PCBD2: variants seen among roughly 807,000 people sequenced by gnomAD.
PCBD2 encodes the protein pterin-4-alpha-carbinolamine dehydratase 2.
Under a neutral mutation model 16.4 loss-of-function variants are expected in PCBD2, and 12 were observed. The ratio of observed to expected loss-of-function variants is 0.73; its 90% CI spans 0.47 to 1.19. The LOEUF is 1.19. PCBD2 is among the 50% of genes most tolerant of loss of function. The probability of loss-of-function intolerance (pLI) is 0.00; values close to 1 mark genes in which losing one functional copy is unlikely to be tolerated. For missense variants in PCBD2, 138 were observed against 156.8 expected, an observed-to-expected ratio of 0.88 and a Z score of 0.64; for synonymous variants, 58 against 61.8, an observed-to-expected ratio of 0.94 and a Z score of 0.29.
chr5:134,958,008 G>T (rs1037096126), intron 2 of PCBD2, among the ~76,000 whole-genome samples: 2 of 152,182 alleles, frequency 1.3e-5, no homozygotes, highest in Non-Finnish European at 2.9e-5. Context: ...AGGTCATTTG[G>T]TGATCCCAAA....
intron 2 of PCBD2, among the ~76,000 whole-genome samples, chr5:134,935,949 T>A (rs973664928): frequency 1.3e-5 from 2 of 152,226 alleles, no homozygotes; most frequent in Admixed American, 6.5e-5. Context: ...AGGGAAGTTG[T>A]AAGCTTCTTT....
intron 2 of PCBD2, among the ~76,000 whole-genome samples, chr5:134,921,223 A>C (rs1352206392): frequency 6.6e-6 from 1 of 152,202 alleles, no homozygotes; most frequent in Non-Finnish European, 1.5e-5. Context: ...TTCTGCCCAG[A>C]AGATCTCCTA....
intron 2 of PCBD2, chr5:134,927,437 T>A (rs970077506): frequency 2.5e-6 from 1 of 398,198 alleles, no homozygotes; most frequent in East Asian, 3.6e-5. Flanking sequence ...TAAAAGCTAT[T>A]GTGTACGCTA....
rs549384583 is a variant in PCBD2 at position 134,927,106 on chromosome 5, C to T, written c.216+16640C>T. Reference sequence around the variant, plus strand: ...TGGGCGACTATGAGAATGACTGCGCCGGTGAAGCTTCAGGGGGTTTGGATG... The same window carrying T: ...TGGGCGACTATGAGAATGACTGCGCTGGTGAAGCTTCAGGGGGTTTGGATG... On this transcript the variant is annotated intron_variant, in intron 2 of 3. Coordinates refer to ENST00000254908, the MANE Select transcript of PCBD2 (RefSeq NM_032151.5). 3.7e-4 allele frequency: 146 copies of T among 398,378 alleles called. No individual in the cohort carries two copies. In the East Asian group the frequency reaches 4.0e-3, roughly 11 times the overall value. 24.7% of individuals were successfully genotyped at this position (398,378 alleles called of 1,614,324 possible). A position where few individuals can be genotyped will look rare whatever the true frequency, so the allele number is the denominator to read the frequency against.
chr5:134,922,716 G>A (rs1750919582), intron 2 of PCBD2, among the ~76,000 whole-genome samples: 1 of 150,652 alleles, frequency 6.6e-6, no homozygotes, highest in South Asian at 2.1e-4. Context: ...AGGCTGGAGT[G>A]CAGTGGCGTG....
In PCBD2 at chr5:134,925,596, T is replaced by C. The variant is rs1265734645; in HGVS notation, c.216+15130T>C. 8 of 397,852 alleles carry C rather than the reference T, an allele frequency of 2.0e-5. 1 individual carries two copies. The Admixed American group carries it at 3.5e-4, about 18-fold the overall frequency. 24.6% of individuals were successfully genotyped at this position (397,852 alleles called of 1,614,324 possible). ...CATTTTGTGTAAGGGCGCAGACTGC[T>C]GCGAACAGAGTGGTGATAGCGCCTA... On this transcript the variant is annotated intron_variant, in intron 2 of 3. Transcript: ENST00000254908.
In PCBD2 at chr5:134,919,776, G is replaced by A. The variant is rs1750880281; in HGVS notation, c.216+9310G>A. 1.3e-5 allele frequency among the ~76,000 whole-genome samples: 2 copies of A among 152,164 alleles called. 1 individual carries two copies. The highest frequency in any genetic ancestry group is 4.1e-4 in the South Asian group (2 of 4,828). ...TAAATAATAACTTAAAAGTATTTTG[G>A]TCTTGCTCATTTCTGTTCTGTTTCT... On this transcript the variant is annotated intron_variant, in intron 2 of 3. Transcript: ENST00000254908.
chr5:134,937,809 A>G (rs1172675403), intron 2 of PCBD2, among the ~76,000 whole-genome samples: 1 of 152,254 alleles, frequency 6.6e-6, no homozygotes, highest in Non-Finnish European at 1.5e-5. Flanking sequence ...TTAAAATGTT[A>G]CATCTGCCCT....
intron 1 of PCBD2, among the ~76,000 whole-genome samples, chr5:134,909,995 A>G (rs1750746601): frequency 6.6e-6 from 1 of 152,200 alleles, no homozygotes; most frequent in Non-Finnish European, 1.5e-5. Context: ...ATTTGAGCCC[A>G]GGAGGCGGAG....
At chr5:134,925,680 G>T (rs558001399) in intron 2 of PCBD2, 1 of 397,146 alleles carries the variant, frequency 2.5e-6, no homozygotes, top group South Asian at 1.3e-4. Flanking sequence ...GGAAGCGGAT[G>T]AGTAGGAAGA....
chr5:134,914,276 G>A (rs1713224722), intron 2 of PCBD2, among the ~76,000 whole-genome samples: 1 of 152,216 alleles, frequency 6.6e-6, no homozygotes, highest in Non-Finnish European at 1.5e-5. Flanking sequence ...TTGAGAGCAA[G>A]TAGGGGTGGA....
At chr5:134,951,777 T>A (rs1751360431) in intron 2 of PCBD2, among the ~76,000 whole-genome samples, 2 of 152,242 alleles carry the variant, frequency 1.3e-5, no homozygotes, top group African/African-American at 4.8e-5. Context: ...TTTGAATTTC[T>A]TTTCTGTTAT....
intron 2 of PCBD2, among the ~76,000 whole-genome samples, chr5:134,956,630 G>A (rs1751418229): frequency 6.6e-6 from 1 of 152,224 alleles, no homozygotes. Context: ...CAGTCAGTGT[G>A]CATCAGGATG....
At chr5:134,914,352 A>G (rs1382232969) in intron 2 of PCBD2, among the ~76,000 whole-genome samples, 1 of 152,146 alleles carries the variant, frequency 6.6e-6, no homozygotes, top group Non-Finnish European at 1.5e-5. Context: ...GGAGACTAAG[A>G]TAGTGAAAAA....
At chr5:134,959,883 C>CTTTTTTTTTT (rs776164485) in intron 3 of PCBD2, among the ~76,000 whole-genome samples, 12 of 73,024 alleles carry the variant, frequency 1.6e-4, no homozygotes, top group East Asian at 1.1e-3. Flanking sequence ...TAGAAATGTG[C>CTTTTTTTTTT]TTTTTTTTTT....
At chr5:134,935,000 T>A (rs1242578949) in intron 2 of PCBD2, among the ~76,000 whole-genome samples, 1 of 152,244 alleles carries the variant, frequency 6.6e-6, no homozygotes. Context: ...TTGTTAAGTT[T>A]TATAGCACTC....
chr5:134,920,039 G>T (rs556906729), intron 2 of PCBD2, among the ~76,000 whole-genome samples: 181 of 152,332 alleles, frequency 1.2e-3, no homozygotes, highest in African/African-American at 4.1e-3. Flanking sequence ...CCTCAGGAGG[G>T]ATTCGGTCCA....
At chr5:134,911,027 A>G (rs1750763075) in intron 2 of PCBD2, among the ~76,000 whole-genome samples, 2 of 152,168 alleles carry the variant, frequency 1.3e-5, no homozygotes, top group African/African-American at 4.8e-5. Flanking sequence ...GCCTCAAGCG[A>G]TCCTCCTGCC....
At chr5:134,930,643 T>G (rs542476072) in intron 2 of PCBD2, among the ~76,000 whole-genome samples, 26 of 152,256 alleles carry the variant, frequency 1.7e-4, no homozygotes, top group Non-Finnish European at 3.5e-4. Flanking sequence ...GTCAGTTGTC[T>G]CCAACCATGA....
Sources: allele counts gnomAD v4.1 joint callset (sites outside exome capture counted in the v4.1 genomes callset), GRCh38; gene constraint gnomAD v4.1.1; transcripts MANE v1.5; gene names NCBI Gene and HGNC (gene_info 2026-07-23, HGNC 2026-07-21).